The following CLIC5 variants were observed in gnomAD, a reference collection of about 807,000 sequenced individuals.
CLIC5 encodes the protein CLIC family member 5.
CLIC5 carries 20 observed loss-of-function variants against 24.7 expected under a neutral mutation model. The observed-to-expected ratio is 0.81, with a 90% CI of 0.57 to 1.18. The LOEUF (loss-of-function observed/expected upper bound fraction) is 1.18. Among genes scored for constraint, CLIC5 ranks in the 50% most tolerant of loss-of-function variants. CLIC5 has a pLI of 0.00. For synonymous variants in CLIC5, 159 were observed against 135.6 expected, an observed-to-expected ratio of 1.17 and a Z score of -1.20; for missense variants, 341 against 326.1, an observed-to-expected ratio of 1.05 and a Z score of -0.35.
chr6:46,015,191 G>A, intron 1 of CLIC5, among the ~76,000 whole-genome samples: 1 of 152,208 alleles, frequency 6.6e-6, no homozygotes, highest in South Asian at 2.1e-4. Flanking sequence ...AATCGCGTCC[G>A]GGCTGGGCTC....
chr6:46,020,522 A>G (rs1027190120), upstream of CLIC5, among the ~76,000 whole-genome samples: 2 of 152,096 alleles, frequency 1.3e-5, no homozygotes, highest in African/African-American at 2.4e-5. Flanking sequence ...GAACTAGAAA[A>G]AAGAACAGCC....
intron 1 of CLIC5, 151 bp from the exon 2 acceptor site, chr6:45,955,395 T>C (rs756505323): frequency 3.4e-6 from 2 of 586,614 alleles, no homozygotes. Flanking sequence ...TATTAGTTTT[T>C]GCCTTAATGT....
chr6:46,088,353 C>T, the CLIC5 span, among the ~76,000 whole-genome samples: 2 of 151,984 alleles, frequency 1.3e-5, no homozygotes, highest in Admixed American at 1.3e-4. Flanking sequence ...ATTATCTGTC[C>T]CTTCATACTT....
intron 6 of CLIC5, among the ~76,000 whole-genome samples, chr6:45,885,496 A>C (rs1484718831): frequency 6.6e-6 from 1 of 152,146 alleles, no homozygotes; most frequent in Non-Finnish European, 1.5e-5. Flanking sequence ...GTTATTAAAA[A>C]TATTTTTAAA....
intron 1 of CLIC5, among the ~76,000 whole-genome samples, chr6:46,049,263 A>G (rs947153683): frequency 9.2e-5 from 14 of 152,314 alleles, no homozygotes; most frequent in African/African-American, 3.4e-4. Context: ...TCCTTTAAAT[A>G]ATATTTTTAA....
intron 6 of CLIC5, among the ~76,000 whole-genome samples, chr6:45,883,306 G>T (rs1169704870): frequency 2.0e-5 from 3 of 152,154 alleles, no homozygotes; most frequent in African/African-American, 7.2e-5. Flanking sequence ...ATTTAATTTA[G>T]TGTTTCCCAA....
At chr6:46,021,306 G>A (rs1767176902) in intron 1 of CLIC5, among the ~76,000 whole-genome samples, 1 of 152,090 alleles carries the variant, frequency 6.6e-6, no homozygotes, top group Non-Finnish European at 1.5e-5. Context: ...CAGAGCAACT[G>A]GAACTCTCAT....
At chr6:45,954,337 A>G (rs1764571853) in intron 2 of CLIC5, among the ~76,000 whole-genome samples, 1 of 152,126 alleles carries the variant, frequency 6.6e-6, no homozygotes, top group Non-Finnish European at 1.5e-5. Flanking sequence ...GAAGAGCTCA[A>G]CTCAGAGGAA....
chr6:46,065,176 C>G lies in CLIC5; in HGVS notation c.540+14527G>C, dbSNP rs776579974. Among the ~76,000 whole-genome samples the G allele has an allele frequency of 8.6e-5, 13 of 151,924 alleles. 1 individual carries two copies. Among genetic ancestry groups the G allele is most frequent in the Non-Finnish European group, 1.6e-4 (11 of 67,978 alleles). ...AATAAGTACATGAAAAGATGCTCAG[C>G]CTAATTAGTCACTAGAAAAATAAAA... On this transcript the variant is annotated intron_variant, in intron 1 of 5. Transcript: ENST00000185206.
At chr6:45,970,902 T>TGG (rs1168112124) in intron 1 of CLIC5, among the ~76,000 whole-genome samples, 1 of 152,226 alleles carries the variant, frequency 6.6e-6, no homozygotes, top group Non-Finnish European at 1.5e-5. Context: ...GCTCACTTGT[T>TGG]CATTGGGCAC....
the CLIC5 span, among the ~76,000 whole-genome samples, chr6:46,116,450 G>C: frequency 6.6e-6 from 1 of 152,060 alleles, no homozygotes; most frequent in Non-Finnish European, 1.5e-5. Context: ...CCAATGTCTC[G>C]AGCTATTTGA....
At chr6:46,070,612 A>C (rs1762567244) in intron 1 of CLIC5, among the ~76,000 whole-genome samples, 1 of 152,228 alleles carries the variant, frequency 6.6e-6, no homozygotes, top group Admixed American at 6.6e-5. Flanking sequence ...GCTTGTGTAC[A>C]AGGAGAATCA....
intron 1 of CLIC5, among the ~76,000 whole-genome samples, chr6:46,011,135 C>G (rs1766793483): frequency 6.6e-6 from 1 of 152,176 alleles, no homozygotes; most frequent in South Asian, 2.1e-4. Context: ...TTTACTTCCC[C>G]CATGCTGAAT....
At chr6:46,121,292 A>G in the CLIC5 span, among the ~76,000 whole-genome samples, 1 of 152,240 alleles carries the variant, frequency 6.6e-6, no homozygotes, top group Admixed American at 6.5e-5. Context: ...TTCTTAAAGA[A>G]AAGAATTTTC....
At chr6:46,078,350 ACT>A (rs1762826350) in intron 1 of CLIC5, among the ~76,000 whole-genome samples, 1 of 147,878 alleles carries the variant, frequency 6.8e-6, no homozygotes, top group South Asian at 2.2e-4. Flanking sequence ...ACACAGTGAG[ACT>A]CTGTCTCAAA....
At chr6:46,027,091 C>T (rs1160749423) in intron 1 of CLIC5, among the ~76,000 whole-genome samples, 1 of 152,174 alleles carries the variant, frequency 6.6e-6, no homozygotes, top group East Asian at 1.9e-4. Flanking sequence ...CAGTTGTGAA[C>T]ATCCTGTGCC....
At chr6:46,089,553 C>T in the CLIC5 span, among the ~76,000 whole-genome samples, 2 of 152,094 alleles carry the variant, frequency 1.3e-5, no homozygotes, top group Admixed American at 1.3e-4. Context: ...CTCGCATGCC[C>T]ATGTGGGAGG....
intron 1 of CLIC5, 30 bp from the exon 2 acceptor site, chr6:45,955,274 G>A (rs1275322448): frequency 6.5e-7 from 1 of 1,538,374 alleles, no homozygotes; most frequent in South Asian, 1.1e-5. Context: ...TGTCCTGAGT[G>A]GGCAGGTGCA....
rs112359470 is a variant in CLIC5 at position 45,995,969 on chromosome 6, G to T, written c.63+19511C>A. 5.0e-3 allele frequency among the ~76,000 whole-genome samples: 760 copies of T among 152,176 alleles called. 5 individuals carry two copies. The highest frequency in any genetic ancestry group is 0.018 in the African/African-American group (731 of 41,514). On this transcript the variant is annotated intron_variant, in intron 1 of 5. Coordinates refer to ENST00000339561, the MANE Select transcript of CLIC5 (RefSeq NM_016929.5). ...ACACACACACTGGGGACTGTTGAGG[G>T]CTGGGGTGGGGGGAGAGAGAGCATT...
Sources: gnomAD v4.1 joint callset for allele counts (sites outside exome capture counted in the v4.1 genomes callset) on GRCh38, gnomAD v4.1.1 for gene constraint, MANE v1.5 for transcripts, NCBI Gene and HGNC (gene_info 2026-07-23, HGNC 2026-07-21) for gene names.